The following MYOM1 variants were observed in gnomAD, a reference collection of about 807,000 sequenced individuals.
MYOM1 encodes myomesin 1, also known as myomesin-1.
In MYOM1, 164 loss-of-function variants were observed where a neutral mutation model predicts 205.3. The observed-to-expected ratio is 0.80, with a 90% CI of 0.70 to 0.91. The LOEUF (loss-of-function observed/expected upper bound fraction) is 0.91, where lower values mean the gene tolerates loss of function less well. Among genes scored for constraint, MYOM1 ranks in the 40% least tolerant of loss-of-function variants. The pLI, the probability that MYOM1 is intolerant of heterozygous loss-of-function variation, is 0.00. For synonymous variants in MYOM1, 772 were observed against 789.4 expected, an observed-to-expected ratio of 0.98 and a Z score of 0.37; for missense variants, 2,011 against 2,127.3, an observed-to-expected ratio of 0.95 and a Z score of 1.08.
chr18:3,240,132 G>A, the MYOM1 span, among the ~76,000 whole-genome samples: 3 of 152,246 alleles, frequency 2.0e-5, no homozygotes, highest in African/African-American at 7.2e-5. Flanking sequence ...TGTGTCATAA[G>A]ATTAATTTAG....
rs533842157 is a variant in MYOM1, at chr18:3,153,310, A to T, written c.1644-1417T>A. On this transcript the variant is annotated intron_variant, in intron 11 of 37. Coordinates refer to ENST00000356443, the MANE Select transcript of MYOM1 (RefSeq NM_003803.4). ...TTACCCGCGTGATCTTAGGTGAGTTAGTGCTTCCTCACTGATATGTGGTCT... is the reference window on the plus strand; with the variant it reads ...TTACCCGCGTGATCTTAGGTGAGTTTGTGCTTCCTCACTGATATGTGGTCT... 8.3e-4 allele frequency among the ~76,000 whole-genome samples: 126 copies of T among 152,332 alleles called. 7 individuals carry two copies. In the South Asian group the frequency reaches 0.026, roughly 31 times the overall value.
At chr18:3,200,552 T>C (rs957634412) in intron 2 of MYOM1, among the ~76,000 whole-genome samples, 1 of 152,024 alleles carries the variant, frequency 6.6e-6, no homozygotes, top group African/African-American at 2.4e-5. Flanking sequence ...AATTATAAAA[T>C]AAAATCAAAG....
rs931313589 is a variant in MYOM1, at chr18:3,163,354, C to T, written c.1501+924G>A. Among the ~76,000 whole-genome samples the T allele has an allele frequency of 2.1e-4, 32 of 152,110 alleles. 1 individual carries two copies. The highest frequency in any genetic ancestry group is 2.4e-4 in the Non-Finnish European group (16 of 68,022). On this transcript the variant is annotated intron_variant, in intron 10 of 37. Transcript: ENST00000356443. ...AACTGTACTAGCAGCTCCCTGAAGA[C>T]GAAGAAAGTCCTGATATTAATGATG...
chr18:3,196,597 TTG>T (rs947381630), intron 2 of MYOM1, among the ~76,000 whole-genome samples: 2 of 152,154 alleles, frequency 1.3e-5, no homozygotes, highest in East Asian at 3.8e-4. Flanking sequence ...CAAGGGTTAA[TTG>T]TGTGTGTGTG....
At chr18:3,134,552 T>G in intron 16 of MYOM1, 98 bp downstream of exon 16, 1 of 1,298,150 alleles carries the variant, frequency 7.7e-7, no homozygotes, top group Non-Finnish European at 1.0e-6. Context: ...AAAAGTAAAA[T>G]TTTTTAAAAA....
Position 3,142,043 on chromosome 18 carries a change from G to A in MYOM1, c.1921C>T (p.Pro641Ser). ...GCCTCAGTGACAGAGAGGTCTGTCG[G>A]GGGGCCAGGCACAATACCCTCTGAA... ...EPSEGIVPGP[P>S]TDLSVTEATR... is the part of the protein sequence containing the mutation. The change falls in exon 14 of 38, where the codon CCG becomes TCG. Residue 641 changes from proline to serine, a missense_variant. By Grantham distance (74) the Pro-to-Ser change is moderately conservative. Transcript: ENST00000356443. 6.2e-7 allele frequency: 1 copy of A among 1,613,744 alleles called. No homozygotes were observed. The highest frequency in any genetic ancestry group is 8.5e-7 in the Non-Finnish European group (1 of 1,179,778).
At chr18:3,110,453 T>TCG (rs1421802235) in intron 22 of MYOM1, among the ~76,000 whole-genome samples, 9 of 152,200 alleles carry the variant, frequency 5.9e-5, no homozygotes, top group African/African-American at 2.2e-4. Context: ...ACAAGACGAC[T>TCG]GGGGTGAAGT....
At chr18:3,138,816 C>G (rs1220357378) in intron 14 of MYOM1, among the ~76,000 whole-genome samples, 1 of 152,102 alleles carries the variant, frequency 6.6e-6, no homozygotes, top group African/African-American at 2.4e-5. Context: ...TCAACGTTTT[C>G]CAGAGGAGAA....
chr18:3,188,841 G>C lies in MYOM1; in HGVS notation c.678C>G (p.Ala226=), dbSNP rs776494166. 2 of 1,613,256 alleles carry C rather than the reference G, an allele frequency of 1.2e-6. No homozygotes were observed. The highest frequency in any genetic ancestry group is 2.7e-5 in the African/African-American group (2 of 74,696). Residue 226 remains alanine (A), a synonymous_variant, in exon 4 of 38, where the codon GCC becomes GCG. Transcript: ENST00000356443. ...ASRQSVVSKQ[A]TSALQQEETS... is the part of the protein sequence containing the mutation. ...TTTCTTCCTGTTGAAGAGCGGATGT[G>C]GCCTGTTTGGAAACCACAGACTGCC...
intron 36 of MYOM1, 32 bp from the exon 37 acceptor site, chr18:3,071,921 G>A: frequency 1.3e-6 from 2 of 1,585,498 alleles, no homozygotes; most frequent in East Asian, 2.3e-5. Context: ...GTTAATCACT[G>A]CAGTGGCAAG....
At position 3,215,737 on chromosome 18, in the gene MYOM1, CT is replaced by C. The variant is rs558697640; in HGVS notation, c.-28-487del. Among the ~76,000 whole-genome samples the C allele has an allele frequency of 2.7e-3, 412 of 152,054 alleles. 7 individuals carry two copies. In the South Asian group the frequency reaches 0.045, roughly 17 times the overall value. On this transcript the variant is annotated intron_variant, in intron 1 of 37. Transcript: ENST00000356443. ...AGATATGCCCCTCCTGTCATTGTAC[CT>C]TTTTTTAAAAAAAATTGTATCTAGG... is the stretch of plus-strand genomic sequence containing the variant.
chr18:3,086,195 T>C (rs753191413), intron 29 of MYOM1, 44 bp from the exon 30 acceptor site: 31 of 1,289,824 alleles, frequency 2.4e-5, no homozygotes, highest in Middle Eastern at 1.9e-4. Context: ...TAAGAAAGTG[T>C]ACTCTTGTGA....
intron 2 of MYOM1, among the ~76,000 whole-genome samples, chr18:3,210,151 A>G (rs2081173813): frequency 6.6e-6 from 1 of 152,340 alleles, no homozygotes; most frequent in South Asian, 2.1e-4. Flanking sequence ...TGAGGTTAGG[A>G]CACAAAAGTG....
chr18:3,182,990 C>T lies in MYOM1; in HGVS notation c.929+4490G>A, dbSNP rs779165038. On this transcript the variant is annotated intron_variant, in intron 5 of 37. Transcript: ENST00000356443. ...GCCCAGGCTGCCTGGAGTGCAGTGG[C>T]GTGATCTCAGCTCACCGCAACCTCC... Among the ~76,000 whole-genome samples, 10 of 137,050 alleles carry T rather than the reference C, an allele frequency of 7.3e-5. 1 individual carries two copies. In the East Asian group the frequency reaches 9.1e-4, roughly 13 times the overall value. 89.9% of individuals were successfully genotyped at this position (137,050 alleles called of 152,430 possible). A position where few individuals can be genotyped will look rare whatever the true frequency, so the allele number is the denominator to read the frequency against.
chr18:3,221,122 G>A (rs2081325483), upstream of MYOM1, among the ~76,000 whole-genome samples: 1 of 152,048 alleles, frequency 6.6e-6, no homozygotes, highest in Non-Finnish European at 1.5e-5. Context: ...CCAGGCTCAA[G>A]CAATCCTCCC....
intron 16 of MYOM1, among the ~76,000 whole-genome samples, chr18:3,133,409 C>T (rs996106239): frequency 6.6e-6 from 1 of 152,148 alleles, no homozygotes; most frequent in African/African-American, 2.4e-5. Context: ...AATTCACCAT[C>T]AATGTGCAAA....
chr18:3,139,105 C>A (rs962329096), intron 14 of MYOM1, among the ~76,000 whole-genome samples: 1 of 152,116 alleles, frequency 6.6e-6, no homozygotes, highest in Non-Finnish European at 1.5e-5. Flanking sequence ...CATAGGGAGA[C>A]CCCATCTCTA....
intron 2 of MYOM1, among the ~76,000 whole-genome samples, chr18:3,198,073 CAA>C (rs5822743): frequency 0.24 from 35,643 of 150,426 alleles, 4,328 homozygotes; most frequent in African/African-American, 0.3. Flanking sequence ...AAATAAAGCA[CAA>C]AAAAAAACTC....
At chr18:3,160,060 CCTT>C (rs1242061751) in intron 10 of MYOM1, among the ~76,000 whole-genome samples, 224 of 148,098 alleles carry the variant, frequency 1.5e-3, no homozygotes, top group African/African-American at 3.8e-3. Context: ...TCCTCCTCCT[CCTT>C]CTTCTTCTTC....
Sources: allele counts gnomAD v4.1 joint callset (sites outside exome capture counted in the v4.1 genomes callset), GRCh38; gene constraint gnomAD v4.1.1; transcripts MANE v1.5; gene names NCBI Gene and HGNC (gene_info 2026-07-23, HGNC 2026-07-21).